Variants in GALNTL6 observed in about 807,000 individuals in gnomAD.
The protein encoded by GALNTL6 is polypeptide N-acetylgalactosaminyltransferase like 6.
GALNTL6 carries 46 observed loss-of-function variants against 73.7 expected under a neutral mutation model. That is an observed-to-expected ratio of 0.62 (90% CI 0.49 to 0.80). The LOEUF (loss-of-function observed/expected upper bound fraction) is 0.80, where lower values mean the gene tolerates loss of function less well. Among genes scored for constraint, GALNTL6 ranks in the 30% least tolerant of loss-of-function variants. GALNTL6 has a pLI of 0.00. For synonymous variants in GALNTL6, 259 were observed against 263.7 expected (o/e 0.98, Z 0.17); for missense variants, 604 against 755.0 (o/e 0.80, Z 2.34).
chr4:172,257,838 T>C (rs746523980), intron 3 of GALNTL6, among the ~76,000 whole-genome samples: 3 of 151,406 alleles, frequency 2.0e-5, no homozygotes, highest in Non-Finnish European at 3.0e-5. Flanking sequence ...CAGAGAAGCC[T>C]ATCTGATCAT....
At chr4:172,495,646 G>A (rs1734049099) in intron 5 of GALNTL6, among the ~76,000 whole-genome samples, 1 of 152,158 alleles carries the variant, frequency 6.6e-6, no homozygotes, top group African/African-American at 2.4e-5. Flanking sequence ...AAAGGTGGAG[G>A]AGGGATGGTG....
intron 5 of GALNTL6, among the ~76,000 whole-genome samples, chr4:172,764,661 T>C (rs1680850282): frequency 6.6e-6 from 1 of 152,190 alleles, no homozygotes; most frequent in Non-Finnish European, 1.5e-5. Flanking sequence ...GATGGTATCC[T>C]GTGTGTATGT....
At chr4:172,437,143 C>A (rs183251527) in intron 5 of GALNTL6, among the ~76,000 whole-genome samples, 1 of 152,076 alleles carries the variant, frequency 6.6e-6, no homozygotes, top group Non-Finnish European at 1.5e-5. Flanking sequence ...ATCGTTATTA[C>A]GACTTATATT....
At chr4:172,874,678 G>C (rs939477661) in intron 7 of GALNTL6, among the ~76,000 whole-genome samples, 34 of 152,170 alleles carry the variant, frequency 2.2e-4, no homozygotes, top group Non-Finnish European at 1.8e-4. Flanking sequence ...TAAAGAATTA[G>C]AGAAGCATTT....
intron 5 of GALNTL6, among the ~76,000 whole-genome samples, chr4:172,376,970 C>T (rs960469511): frequency 5.9e-5 from 9 of 152,086 alleles, no homozygotes; most frequent in South Asian, 2.1e-4. Flanking sequence ...GTGAGTGTTA[C>T]AGCTCATAAA....
intron 2 of GALNTL6, among the ~76,000 whole-genome samples, chr4:172,066,178 CAT>C (rs1286899643): frequency 1.3e-5 from 2 of 152,132 alleles, no homozygotes; most frequent in Non-Finnish European, 2.9e-5. Context: ...TAAAAACTGA[CAT>C]ATATCCACTA....
chr4:172,494,542 G>A (rs572083757), intron 5 of GALNTL6, among the ~76,000 whole-genome samples: 90 of 152,296 alleles, frequency 5.9e-4, no homozygotes, highest in African/African-American at 2.1e-3. Flanking sequence ...TGGTCGCAAG[G>A]TGAAGTCCCA....
At chr4:172,132,240 C>T (rs936820444) in intron 2 of GALNTL6, among the ~76,000 whole-genome samples, 1 of 152,094 alleles carries the variant, frequency 6.6e-6, no homozygotes, top group Non-Finnish European at 1.5e-5. Flanking sequence ...GTTGATATCT[C>T]ATTTCCTTGA....
At chr4:172,727,118 A>G (rs1467177833) in intron 5 of GALNTL6, among the ~76,000 whole-genome samples, 2 of 152,236 alleles carry the variant, frequency 1.3e-5, no homozygotes, top group African/African-American at 4.8e-5. Flanking sequence ...AGTTAATAAA[A>G]TTGATAGTAA....
At chr4:172,974,808 G>T (rs1437131620) in intron 10 of GALNTL6, among the ~76,000 whole-genome samples, 1 of 152,222 alleles carries the variant, frequency 6.6e-6, no homozygotes, top group African/African-American at 2.4e-5. Flanking sequence ...CTGCAGCAGG[G>T]CAGGCAGCTC....
chr4:172,153,473 C>G (rs567675792), intron 2 of GALNTL6, among the ~76,000 whole-genome samples: 1 of 152,226 alleles, frequency 6.6e-6, no homozygotes, highest in South Asian at 2.1e-4. Flanking sequence ...ATATTTGCAA[C>G]TTCTGTTTTG....
chr4:171,828,355 G>A (rs1228000971), intron 2 of GALNTL6, among the ~76,000 whole-genome samples: 11 of 152,086 alleles, frequency 7.2e-5, no homozygotes, highest in Admixed American at 7.2e-4. Flanking sequence ...TTCTGGCCAT[G>A]CTTAGTGTAA....
chr4:172,563,188 A>G (rs1736438002), intron 5 of GALNTL6, among the ~76,000 whole-genome samples: 1 of 152,188 alleles, frequency 6.6e-6, no homozygotes, highest in Non-Finnish European at 1.5e-5. Flanking sequence ...ACCTGTCAAT[A>G]CTAGGAGACA....
In GALNTL6 at chr4:172,974,199, T is replaced by A. The variant is rs1257051180; in HGVS notation, c.1371+21941T>A. ...GGCATAGTGCCACAGTAACAAAAAATTTCATTCAAAGTTTATATTTAGGAT... is the reference window on the plus strand; with the variant it reads ...GGCATAGTGCCACAGTAACAAAAAAATTCATTCAAAGTTTATATTTAGGAT... On this transcript the variant is annotated intron_variant, in intron 10 of 12. Coordinates refer to ENST00000506823, the MANE Select transcript of GALNTL6 (RefSeq NM_001034845.3). Among the ~76,000 whole-genome samples, 3 of 152,264 alleles carry A rather than the reference T, an allele frequency of 2.0e-5. No homozygotes were observed. In the East Asian group the frequency reaches 5.8e-4, roughly 29 times the overall value.
chr4:172,214,234 C>T (rs1412430480), intron 2 of GALNTL6, among the ~76,000 whole-genome samples: 1 of 152,142 alleles, frequency 6.6e-6, no homozygotes, highest in Admixed American at 6.5e-5. Context: ...AGTTTGAGTC[C>T]TCTGACTGTC....
At chr4:172,584,400 G>A (rs1393024543) in intron 5 of GALNTL6, among the ~76,000 whole-genome samples, 1 of 152,164 alleles carries the variant, frequency 6.6e-6, no homozygotes, top group African/African-American at 2.4e-5. Context: ...AAAAAATAGA[G>A]ATATAGCTAG....
At chr4:171,872,672 T>C (rs1736170925) in intron 2 of GALNTL6, among the ~76,000 whole-genome samples, 1 of 152,180 alleles carries the variant, frequency 6.6e-6, no homozygotes, top group South Asian at 2.1e-4. Flanking sequence ...GGTAGTTTCT[T>C]GTATTTGCAT....
chr4:172,328,253 G>T (rs1253943753), intron 4 of GALNTL6, among the ~76,000 whole-genome samples: 2 of 152,056 alleles, frequency 1.3e-5, no homozygotes, highest in Non-Finnish European at 2.9e-5. Context: ...CTGCTGAGAG[G>T]TCTGCTGTTA....
At chr4:172,854,079 G>A (rs1743990535) in intron 7 of GALNTL6, among the ~76,000 whole-genome samples, 1 of 151,580 alleles carries the variant, frequency 6.6e-6, no homozygotes, top group South Asian at 2.1e-4. Flanking sequence ...TATATTTAAG[G>A]CAAACTGTCT....
Sources: gnomAD v4.1 joint callset for allele counts (sites outside exome capture counted in the v4.1 genomes callset) on GRCh38, gnomAD v4.1.1 for gene constraint, MANE v1.5 for transcripts, NCBI Gene and HGNC (gene_info 2026-07-23, HGNC 2026-07-21) for gene names.